POLA1: variants seen among roughly 807,000 people sequenced by gnomAD.
POLA1 encodes the protein DNA polymerase alpha 1, catalytic subunit, also known as DNA polymerase alpha catalytic subunit.
In POLA1, 15 loss-of-function variants were observed where a neutral mutation model predicts 124.0. That is an observed-to-expected ratio of 0.12 (90% CI 0.08 to 0.19). The LOEUF is 0.19. Among genes scored for constraint, POLA1 ranks in the 10% least tolerant of loss-of-function variants. POLA1 has a pLI of 1.00. For synonymous variants in POLA1, 408 were observed against 389.4 expected, an observed-to-expected ratio of 1.05 and a Z score of -0.56; for missense variants, 886 against 1,103.4, an observed-to-expected ratio of 0.80 and a Z score of 2.79.
chrX:24,956,929 T>G (rs2048113306), intron 36 of POLA1, among the ~76,000 whole-genome samples: 1 of 111,527 alleles, frequency 9.0e-6, no homozygotes, highest in Admixed American at 9.5e-5. Flanking sequence ...TGAACTAAAA[T>G]TAATAGTACT....
chrX:24,992,349 G>A (rs1002679526), intron 36 of POLA1, among the ~76,000 whole-genome samples: 5 of 112,099 alleles, frequency 4.5e-5, no homozygotes, highest in African/African-American at 1.6e-4. Context: ...TGTATGGTGG[G>A]AAGCCATGCA....
chrX:24,709,215 C>G (rs1388251825), intron 4 of POLA1, among the ~76,000 whole-genome samples: 1 of 102,996 alleles, frequency 9.7e-6, no homozygotes, highest in African/African-American at 3.6e-5. Context: ...ACCTCCCTCC[C>G]GGACAGGGCG....
chrX:24,938,040 C>T (rs1029115375), intron 36 of POLA1, among the ~76,000 whole-genome samples: 2 of 112,427 alleles, frequency 1.8e-5, no homozygotes, highest in Non-Finnish European at 3.7e-5. Flanking sequence ...TTTGTTTCTT[C>T]GTAACTAGAA....
chrX:24,736,204 C>A (rs11573354), intron 18 of POLA1, among the ~76,000 whole-genome samples: 4,855 of 111,421 alleles, frequency 0.044, 285 homozygotes, highest in African/African-American at 0.15. Flanking sequence ...ACATTAAAGT[C>A]TTGCAAAAGT....
intron 35 of POLA1, among the ~76,000 whole-genome samples, chrX:24,905,088 C>G (rs1249830686): frequency 9.3e-6 from 1 of 108,102 alleles, no homozygotes; most frequent in Non-Finnish European, 1.9e-5. Flanking sequence ...GGGTCTAATC[C>G]TAATCAACAT....
At chrX:24,964,150 A>G (rs1008070552) in intron 36 of POLA1, among the ~76,000 whole-genome samples, 11 of 112,200 alleles carry the variant, frequency 9.8e-5, no homozygotes, top group Middle Eastern at 4.6e-3. Flanking sequence ...ACCATTAGCT[A>G]TACAGACACA....
Position 24,968,211 on chromosome X carries a change from A to T in POLA1, c.4262-27594A>T, listed in dbSNP as rs150246332. On this transcript the variant is annotated intron_variant, in intron 36 of 36. Coordinates refer to ENST00000379068, the MANE Select transcript of POLA1 (RefSeq NM_001330360.2). ...TATAGTTTTGTTATTAATTTATGCT[A>T]CTTTATTAACATTTTAAAAAGTGGT... Among the ~76,000 whole-genome samples the T allele has an allele frequency of 8.5e-3, 951 of 111,771 alleles. 4 individuals are homozygous for T. The highest frequency in any genetic ancestry group is 0.012 in the Non-Finnish European group (623 of 53,178).
intron 34 of POLA1, among the ~76,000 whole-genome samples, chrX:24,885,690 A>AT (rs959849018): frequency 1.8e-5 from 2 of 110,765 alleles, no homozygotes; most frequent in Non-Finnish European, 3.8e-5. Context: ...ACACTCGGCT[A>AT]TTTTTTTGTA....
Position 24,907,146 on chromosome X carries a change from A to G in POLA1, c.4164+19024A>G, listed in dbSNP as rs77800273. On this transcript the variant is annotated intron_variant, in intron 35 of 36. Coordinates refer to ENST00000379068, the MANE Select transcript of POLA1 (RefSeq NM_001330360.2). The stretch of plus-strand genomic sequence containing the variant: ...TCGGCGGTTGCAGTGAGCCAAGATC[A>G]TGCCATTGCATTCCAGCCTGCGCGA... Among the ~76,000 whole-genome samples, 169 of 111,451 alleles carry G rather than the reference A, an allele frequency of 1.5e-3. 2 individuals carry two copies. In the East Asian group the frequency reaches 0.045, roughly 30 times the overall value.
In POLA1 at chrX:24,843,619, T is replaced by A. The variant is rs1192633963; in HGVS notation, c.3989T>A (p.Val1330Glu). ...AAGGCTTCACCTCTGACCTTTACAG[T>A]ACAACTGAGCAACAAATTGATCATG... ...DCKASPLTFT[V>E]QLSNKLIMDI... Residue 1330 changes from valine to glutamate, a missense_variant, in exon 34 of 37, where the codon GTA becomes GAA. Around this residue, in one of 7 missense-constraint regions of POLA1, gnomAD observed 313 missense variants for 359.7 expected, o/e 0.87. Transcript: ENST00000379068. The A allele has an allele frequency of 1.7e-6, 2 of 1,182,475 alleles. No homozygotes were observed. The highest frequency in any genetic ancestry group is 3.0e-5 in the East Asian group (1 of 33,325).
chrX:24,899,931 TA>T (rs2047255000), intron 35 of POLA1, among the ~76,000 whole-genome samples: 1 of 112,196 alleles, frequency 8.9e-6, no homozygotes, highest in African/African-American at 3.2e-5. Context: ...GCTTTTTAAC[TA>T]AAAATGTTTT....
At position 24,940,218 on chromosome X, in the gene POLA1, C is replaced by T. The variant is rs755638195; in HGVS notation, c.4261+9669C>T. Among the ~76,000 whole-genome samples the T allele has an allele frequency of 9.0e-5, 10 of 111,471 alleles. No homozygotes were observed. The East Asian group carries it at 2.0e-3, about 22-fold the overall frequency. On this transcript the variant is annotated intron_variant, in intron 36 of 36. Transcript: ENST00000379068. The stretch of plus-strand genomic sequence containing the variant: ...GCTATGATGCCTTTACCATTCAAAA[C>T]GACATAAAAATTGCACAGTGAAACA...
In POLA1 at chrX:24,743,273, A is replaced by G. The variant is rs751928172; in HGVS notation, c.2510A>G (p.Lys837Arg). The G allele has an allele frequency of 2.8e-5, 33 of 1,173,006 alleles. No homozygotes were observed. In the South Asian group the frequency reaches 5.5e-4, roughly 20 times the overall value. Residue 837 changes from lysine (K) to arginine (R), a missense_variant, in exon 23 of 37, where the codon AAG becomes AGG. Physicochemically the swap from Lys to Arg is conservative, Grantham distance 26. Coordinates refer to ENST00000379068, the MANE Select transcript of POLA1 (RefSeq NM_001330360.2). ...EEIDGDTNKY[K>R]KGRKKAAYAG... ...ATTGATGGAGATACCAATAAATACA[A>G]GAAAGGACGTAAGAAAGCAGCTTAT...
At chrX:24,765,630 T>C (rs1362176817) in intron 26 of POLA1, among the ~76,000 whole-genome samples, 1 of 111,655 alleles carries the variant, frequency 9.0e-6, no homozygotes, top group Non-Finnish European at 1.9e-5. Context: ...CTTTCCTGAC[T>C]ACTCTTTCTA....
chrX:24,939,958 T>A (rs946284706), intron 36 of POLA1, among the ~76,000 whole-genome samples: 3 of 111,969 alleles, frequency 2.7e-5, no homozygotes, highest in African/African-American at 9.7e-5. Flanking sequence ...ATGGCTTATT[T>A]AATAGCTATC....
In POLA1 at chrX:24,742,111, A is replaced by C. The variant is rs771699033; in HGVS notation, c.2456A>C (p.Gln819Pro). 2 of 1,204,551 alleles carry C rather than the reference A, an allele frequency of 1.7e-6. No individual in the cohort carries two copies. Among genetic ancestry groups the C allele is most frequent in the South Asian group, 3.5e-5 (2 of 56,339 alleles). ...VPDKQIFRKP[Q>P]QKLGDEDEEI... Reference sequence around the variant, plus strand: ...GACAAGCAGATTTTCAGAAAGCCTCAGCAAAAACTGGTGGGTCCAAAACTG... The same window carrying C: ...GACAAGCAGATTTTCAGAAAGCCTCCGCAAAAACTGGTGGGTCCAAAACTG... The change falls in exon 22 of 37, where the codon CAG (glutamine) becomes CCG (proline). Residue 819 changes from glutamine to proline, a missense_variant. Coordinates refer to ENST00000379068, the MANE Select transcript of POLA1 (RefSeq NM_001330360.2).
chrX:24,892,790 A>T (rs1183744639), intron 35 of POLA1, among the ~76,000 whole-genome samples: 1 of 112,253 alleles, frequency 8.9e-6, no homozygotes, highest in East Asian at 2.8e-4. Flanking sequence ...TCCCTGGGGC[A>T]GGAGCAGTAT....
At chrX:24,762,241 G>A (rs757769497) in intron 26 of POLA1, among the ~76,000 whole-genome samples, 57 of 112,040 alleles carry the variant, frequency 5.1e-4, no homozygotes, top group African/African-American at 1.7e-3. Context: ...CAAGTGTCAG[G>A]CATGCCACGT....
At chrX:24,903,261 G>A (rs973284983) in intron 35 of POLA1, among the ~76,000 whole-genome samples, 16 of 112,859 alleles carry the variant, frequency 1.4e-4, no homozygotes, top group Non-Finnish European at 2.6e-4. Flanking sequence ...CAAAACAAGC[G>A]CTGTAGCAGA....
Sources: gnomAD v4.1 joint callset for allele counts (sites outside exome capture counted in the v4.1 genomes callset) on GRCh38, gnomAD v4.1.1 for gene constraint, gnomAD v4.1.1 regional missense constraint, MANE v1.5 for transcripts, NCBI Gene and HGNC (gene_info 2026-07-23, HGNC 2026-07-21) for gene names.